The following ZFAND3 variants were observed in gnomAD, a reference collection of about 807,000 sequenced individuals.
The protein encoded by ZFAND3 is zinc finger AN1-type containing 3.
Under a neutral mutation model 29.6 loss-of-function variants are expected in ZFAND3, and 10 were observed. The ratio of observed to expected loss-of-function variants is 0.34; its 90% confidence interval spans 0.21 to 0.57. ZFAND3 has a LOEUF of 0.57. ZFAND3 is among the 20% of genes least tolerant of loss of function. The pLI, the probability that ZFAND3 is intolerant of heterozygous loss-of-function variation, is 0.86. For synonymous variants in ZFAND3, 128 were observed against 112.6 expected, an observed-to-expected ratio of 1.14 and a Z score of -0.87; for missense variants, 230 against 304.5, an observed-to-expected ratio of 0.76 and a Z score of 1.82.
At chr6:38,116,886 T>G in intron 5 of ZFAND3, 147 bp downstream of exon 5, 2 of 1,087,942 alleles carry the variant, frequency 1.8e-6, no homozygotes, top group Non-Finnish European at 2.5e-6. Flanking sequence ...GTTTGGGGCT[T>G]GAGAAATCAG....
At chr6:38,007,410 A>G (rs1018567396) in intron 2 of ZFAND3, among the ~76,000 whole-genome samples, 2 of 151,940 alleles carry the variant, frequency 1.3e-5, no homozygotes, top group Non-Finnish European at 2.9e-5. Context: ...GTCCGGCATG[A>G]TGGTATATTC....
At chr6:37,966,303 T>C (rs1762292289) in intron 2 of ZFAND3, among the ~76,000 whole-genome samples, 1 of 152,194 alleles carries the variant, frequency 6.6e-6, no homozygotes, top group Admixed American at 6.5e-5. Flanking sequence ...CTTCCAAGTA[T>C]TTTAGGGAAA....
At chr6:37,858,630 C>A (rs1255230328) in intron 1 of ZFAND3, among the ~76,000 whole-genome samples, 1 of 152,104 alleles carries the variant, frequency 6.6e-6, no homozygotes, top group Non-Finnish European at 1.5e-5. Context: ...TAAAACACAT[C>A]CTGTTATATT....
chr6:38,073,664 C>T (rs1206742119), intron 3 of ZFAND3, among the ~76,000 whole-genome samples: 1 of 152,150 alleles, frequency 6.6e-6, no homozygotes, highest in Non-Finnish European at 1.5e-5. Flanking sequence ...GTGATGATGT[C>T]TTAGAATGTC....
At chr6:38,139,637 T>G (rs1259276610) in intron 5 of ZFAND3, among the ~76,000 whole-genome samples, 1 of 151,914 alleles carries the variant, frequency 6.6e-6, no homozygotes, top group East Asian at 1.9e-4. Flanking sequence ...CGTGCTTCAG[T>G]GGGGAAATTT....
intron 1 of ZFAND3, among the ~76,000 whole-genome samples, chr6:37,851,300 C>T (rs1343688808): frequency 6.6e-6 from 1 of 151,968 alleles, no homozygotes; most frequent in Non-Finnish European, 1.5e-5. Context: ...GATCTGTTGC[C>T]TCTTACTAGA....
chr6:38,108,200 A>G (rs1765245260), intron 4 of ZFAND3, among the ~76,000 whole-genome samples: 1 of 152,172 alleles, frequency 6.6e-6, no homozygotes, highest in African/African-American at 2.4e-5. Flanking sequence ...TCCAGGATGA[A>G]GTATTTTGAT....
rs200750608 is a variant in ZFAND3, at chr6:38,103,374, A to AC, written c.362-13198_362-13197insC. The stretch of plus-strand genomic sequence containing the variant: ...TATATATATATATATATATACACAC[A>AC]ATATATATATACACACACACATATA... On this transcript the variant is annotated intron_variant, in intron 4 of 5. Transcript: ENST00000287218. 1.2e-4 allele frequency among the ~76,000 whole-genome samples: 18 copies of AC among 146,992 alleles called. No homozygotes were observed. In the East Asian group the frequency reaches 2.4e-3, roughly 20 times the overall value.
chr6:37,928,857 G>A (rs565973843), intron 1 of ZFAND3, among the ~76,000 whole-genome samples: 1 of 152,266 alleles, frequency 6.6e-6, no homozygotes, highest in South Asian at 2.1e-4. Context: ...TAGTCCCTAG[G>A]GTGCTGTGCT....
intron 5 of ZFAND3, among the ~76,000 whole-genome samples, chr6:38,132,751 T>TC (rs1765766415): frequency 6.6e-6 from 1 of 152,172 alleles, no homozygotes; most frequent in African/African-American, 2.4e-5. Context: ...GTGTGGCATC[T>TC]CCTGCATGGA....
At chr6:37,886,663 A>G (rs1039552003) in intron 1 of ZFAND3, among the ~76,000 whole-genome samples, 3 of 152,182 alleles carry the variant, frequency 2.0e-5, no homozygotes, top group African/African-American at 7.2e-5. Context: ...TGCATATGCT[A>G]CAAGTGAGAA....
chr6:37,859,550 AT>A (rs977877182), intron 1 of ZFAND3, among the ~76,000 whole-genome samples: 1 of 152,128 alleles, frequency 6.6e-6, no homozygotes, highest in Admixed American at 6.5e-5. Context: ...CTTATGGTCT[AT>A]TTTCATATCT....
chr6:38,026,342 C>T (rs756097657), intron 2 of ZFAND3, among the ~76,000 whole-genome samples: 10 of 151,390 alleles, frequency 6.6e-5, no homozygotes, highest in Non-Finnish European at 1.2e-4. Flanking sequence ...TATAAGGTCT[C>T]AGAGGATGAT....
At chr6:38,132,025 C>A (rs1394804738) in intron 5 of ZFAND3, among the ~76,000 whole-genome samples, 2 of 152,168 alleles carry the variant, frequency 1.3e-5, no homozygotes, top group Non-Finnish European at 2.9e-5. Context: ...TTCCCCCCCA[C>A]CAATTTTTAT....
chr6:38,154,617 G>A lies in ZFAND3; in HGVS notation c.*2228G>A, dbSNP rs998917616. On this transcript the variant is annotated 3_prime_UTR_variant, in exon 6 of 6. Coordinates refer to ENST00000287218, the MANE Select transcript of ZFAND3 (RefSeq NM_021943.3). The stretch of plus-strand genomic sequence containing the variant: ...GCTGAAAAAAAAAATTAAACCAATC[G>A]TATGAAAGTTTGGTTTTCTTGTTTC... The A allele has an allele frequency of 1.3e-5, 12 of 947,894 alleles. No individual in the cohort carries two copies. The highest frequency in any genetic ancestry group is 5.4e-4 in the Middle Eastern group (1 of 1,862). The allele number at this position is 947,894 out of a possible 1,614,324, so 58.7% of individuals were successfully genotyped here.
At chr6:37,937,988 C>T (rs887444519) in intron 2 of ZFAND3, among the ~76,000 whole-genome samples, 1 of 152,058 alleles carries the variant, frequency 6.6e-6, no homozygotes, top group African/African-American at 2.4e-5. Context: ...TGCCTTTTTT[C>T]TTATCACACT....
At chr6:38,049,160 C>A (rs1375952631) in intron 2 of ZFAND3, among the ~76,000 whole-genome samples, 2 of 152,120 alleles carry the variant, frequency 1.3e-5, no homozygotes, top group Non-Finnish European at 2.9e-5. Flanking sequence ...GTATTTGTAT[C>A]CCCAGGATTG....
intron 1 of ZFAND3, among the ~76,000 whole-genome samples, chr6:37,902,760 T>TTA (rs58805072): frequency 5.4e-5 from 8 of 148,034 alleles, no homozygotes; most frequent in African/African-American, 1.5e-4. Context: ...TTTTTTTTTT[T>TTA]AAGAGATGAT....
At chr6:38,005,500 C>T (rs1210744771) in intron 2 of ZFAND3, among the ~76,000 whole-genome samples, 2 of 152,152 alleles carry the variant, frequency 1.3e-5, no homozygotes, top group Non-Finnish European at 2.9e-5. Context: ...AGATCAGAAT[C>T]ATGTAATGTG....
Sources: gnomAD v4.1 joint callset for allele counts (sites outside exome capture counted in the v4.1 genomes callset) on GRCh38, gnomAD v4.1.1 for gene constraint, MANE v1.5 for transcripts, NCBI Gene and HGNC (gene_info 2026-07-23, HGNC 2026-07-21) for gene names.